GPC5: variants seen among roughly 807,000 people sequenced by gnomAD.
GPC5 encodes the protein glypican 5, also known as glypican-5.
Under a neutral mutation model 53.9 loss-of-function variants are expected in GPC5, and 47 were observed. The ratio of observed to expected loss-of-function variants is 0.87; its 90% CI spans 0.69 to 1.11. GPC5 has a LOEUF of 1.11. Ranked by LOEUF, GPC5 falls within the 50% of genes most tolerant of loss-of-function variation. The pLI, the probability that GPC5 is intolerant of heterozygous loss-of-function variation, is 0.00. For missense variants in GPC5, 748 were observed against 713.1 expected (o/e 1.05, Z -0.56); for synonymous variants, 286 against 263.3 (o/e 1.09, Z -0.84).
intron 5 of GPC5, among the ~76,000 whole-genome samples, chr13:91,847,993 T>C (rs1237362706): frequency 6.6e-6 from 1 of 152,224 alleles, no homozygotes; most frequent in African/African-American, 2.4e-5. Flanking sequence ...GAGGTATTGA[T>C]GTGGCTCTTG....
chr13:92,431,909 G>A (rs983334415), intron 7 of GPC5, among the ~76,000 whole-genome samples: 6 of 152,188 alleles, frequency 3.9e-5, no homozygotes, highest in African/African-American at 1.4e-4. Flanking sequence ...GAATTTGTAA[G>A]TAGTGCTGGC....
intron 2 of GPC5, among the ~76,000 whole-genome samples, chr13:91,636,844 A>G (rs2034297792): frequency 6.6e-6 from 1 of 152,088 alleles, no homozygotes. Context: ...TGTAGACCTG[A>G]CAACTCTGTA....
chr13:92,534,750 G>T (rs1881669996), intron 7 of GPC5, among the ~76,000 whole-genome samples: 2 of 152,086 alleles, frequency 1.3e-5, no homozygotes, highest in African/African-American at 4.8e-5. Flanking sequence ...AAATGAAATG[G>T]TATCAAATTA....
chr13:92,520,402 C>A (rs912520722), intron 7 of GPC5, among the ~76,000 whole-genome samples: 10 of 152,090 alleles, frequency 6.6e-5, no homozygotes, highest in Non-Finnish European at 1.3e-4. Flanking sequence ...CAAACTGAAT[C>A]CAGAAGCACA....
At chr13:92,136,069 T>C (rs955732461) in intron 6 of GPC5, among the ~76,000 whole-genome samples, 1 of 152,124 alleles carries the variant, frequency 6.6e-6, no homozygotes, top group African/African-American at 2.4e-5. Flanking sequence ...GGCGTGTAGA[T>C]GGAAACATAG....
At position 92,452,799 on chromosome 13, in the gene GPC5, G is replaced by A. The variant is rs146749865; in HGVS notation, c.1561+307810G>A. Among the ~76,000 whole-genome samples the A allele has an allele frequency of 1.1e-3, 175 of 152,232 alleles. 1 individual carries two copies. The East Asian group carries it at 0.017, about 15-fold the overall frequency. ...GCCCAGGCTGGTCTTGAACTCCTGA[G>A]CTCAGGCAATCCACCTGCCTCGGCC... On this transcript the variant is annotated intron_variant, in intron 7 of 7. Coordinates refer to ENST00000377067, the MANE Select transcript of GPC5 (RefSeq NM_004466.6).
At chr13:91,808,200 CA>C in intron 5 of GPC5, among the ~76,000 whole-genome samples, 1 of 152,244 alleles carries the variant, frequency 6.6e-6, no homozygotes. Flanking sequence ...TTCCCAAAAG[CA>C]TATATAACTC....
At chr13:92,354,121 A>C (rs1234398168) in intron 7 of GPC5, among the ~76,000 whole-genome samples, 1 of 152,222 alleles carries the variant, frequency 6.6e-6, no homozygotes, top group African/African-American at 2.4e-5. Context: ...TCAAAACGCA[A>C]GTCATCATGT....
intron 7 of GPC5, among the ~76,000 whole-genome samples, chr13:92,351,490 T>C (rs2139267864): frequency 6.6e-6 from 1 of 152,090 alleles, no homozygotes; most frequent in East Asian, 1.9e-4. Context: ...TTCAACATTG[T>C]TTCAAGGCCC....
rs145470315 is a variant in GPC5 at position 92,239,624 on chromosome 13, G to A, written c.1561+94635G>A. ...ATTTTAAATCATTGTTTAAAAAGAC[G>A]TATCCAATCAAGTGAAAACAACAAT... On this transcript the variant is annotated intron_variant, in intron 7 of 7. Coordinates refer to ENST00000377067, the MANE Select transcript of GPC5 (RefSeq NM_004466.6). Among the ~76,000 whole-genome samples the A allele has an allele frequency of 7.2e-3, 1,094 of 151,846 alleles. 12 individuals are homozygous for A. The highest frequency in any genetic ancestry group is 0.023 in the African/African-American group (937 of 41,468).
intron 7 of GPC5, among the ~76,000 whole-genome samples, chr13:92,198,569 G>A (rs2042273086): frequency 6.6e-6 from 1 of 152,176 alleles, no homozygotes; most frequent in South Asian, 2.1e-4. Flanking sequence ...TGGATTAAAT[G>A]TAGGCAGACT....
At chr13:92,268,720 A>T (rs1269003519) in intron 7 of GPC5, among the ~76,000 whole-genome samples, 1 of 130,802 alleles carries the variant, frequency 7.6e-6, no homozygotes, top group Non-Finnish European at 1.6e-5. Flanking sequence ...TACCTCATAG[A>T]TTTGGACTGG....
chr13:92,398,677 A>G (rs559632432), intron 7 of GPC5, among the ~76,000 whole-genome samples: 1 of 152,286 alleles, frequency 6.6e-6, no homozygotes, highest in Admixed American at 6.5e-5. Context: ...ACTCTTCTAT[A>G]AATACATCCA....
chr13:92,364,695 A>C (rs1240905098), intron 7 of GPC5, among the ~76,000 whole-genome samples: 1 of 151,764 alleles, frequency 6.6e-6, no homozygotes, highest in Non-Finnish European at 1.5e-5. Context: ...GCGCCACTGC[A>C]CTCCAGTCTG....
At position 92,739,316 on chromosome 13, in the gene GPC5, C is replaced by T. The variant is rs115307963; in HGVS notation, c.1562-126966C>T. Among the ~76,000 whole-genome samples the T allele has an allele frequency of 6.4e-3, 975 of 151,956 alleles. 10 individuals are homozygous for T. Among genetic ancestry groups the T allele is most frequent in the African/African-American group, 0.022 (933 of 41,476 alleles). ...GTGAAAATTAGAAATAAATTCAATTCGATAAGGATAAACAAACATTGACCT... is the reference window on the plus strand; with the variant it reads ...GTGAAAATTAGAAATAAATTCAATTTGATAAGGATAAACAAACATTGACCT... On this transcript the variant is annotated intron_variant, in intron 7 of 7. Coordinates refer to ENST00000377067, the MANE Select transcript of GPC5 (RefSeq NM_004466.6).
intron 5 of GPC5, among the ~76,000 whole-genome samples, chr13:91,764,463 T>C (rs1201030440): frequency 6.6e-6 from 1 of 152,184 alleles, no homozygotes; most frequent in Non-Finnish European, 1.5e-5. Context: ...AGGAATGCCA[T>C]TTTTACTTTG....
At position 92,594,615 on chromosome 13, in the gene GPC5, G is replaced by A. The variant is rs751668366; in HGVS notation, c.1562-271667G>A. 3.9e-5 allele frequency among the ~76,000 whole-genome samples: 6 copies of A among 152,054 alleles called. No individual in the cohort carries two copies. The East Asian group carries it at 5.8e-4, about 15-fold the overall frequency. On this transcript the variant is annotated intron_variant, in intron 7 of 7. Coordinates refer to ENST00000377067, the MANE Select transcript of GPC5 (RefSeq NM_004466.6). ...CTACATCTTTGCTAACCCTCTCGTC[G>A]TTGACACCATCCAATTTTTTCTGCA...
At chr13:92,680,865 A>G (rs540428805) in intron 7 of GPC5, among the ~76,000 whole-genome samples, 2 of 152,180 alleles carry the variant, frequency 1.3e-5, no homozygotes, top group African/African-American at 2.4e-5. Context: ...CTCTCAGTCT[A>G]TCTACCAACC....
At chr13:92,829,516 G>T (rs984443633) in intron 7 of GPC5, among the ~76,000 whole-genome samples, 2 of 152,102 alleles carry the variant, frequency 1.3e-5, no homozygotes, top group African/African-American at 4.8e-5. Flanking sequence ...CCAGAGTGTG[G>T]TTTCTGCAGA....
Sources: gnomAD v4.1 joint callset for allele counts (sites outside exome capture counted in the v4.1 genomes callset) on GRCh38, gnomAD v4.1.1 for gene constraint, MANE v1.5 for transcripts, NCBI Gene and HGNC (gene_info 2026-07-23, HGNC 2026-07-21) for gene names.